Variants in PTPRD observed in about 807,000 individuals in gnomAD.
PTPRD encodes protein tyrosine phosphatase receptor type D, also known as receptor-type tyrosine-protein phosphatase delta.
PTPRD carries 34 observed loss-of-function variants against 214.5 expected under a neutral mutation model. The ratio of observed to expected loss-of-function variants is 0.16; its 90% confidence interval spans 0.12 to 0.21. PTPRD has a LOEUF of 0.21. Ranked by LOEUF, PTPRD falls within the 10% of genes least tolerant of loss-of-function variation. The pLI is 1.00. For missense variants in PTPRD, 2,545 were observed against 2,398.7 expected, an observed-to-expected ratio of 1.06 and a Z score of -1.27; for synonymous variants, 1,128 against 845.7, an observed-to-expected ratio of 1.33 and a Z score of -5.79.
chr9:9,019,329 AAAGAAAGAAC>A (rs1569429703), intron 10 of PTPRD, among the ~76,000 whole-genome samples: 5 of 32,732 alleles, frequency 1.5e-4, no homozygotes, highest in Non-Finnish European at 3.1e-4. Context: ...AGAAAGAAAG[AAAGAAAGAAC>A]GAAAGAAAGA....
chr9:9,269,910 C>T (rs1051718594), intron 9 of PTPRD, among the ~76,000 whole-genome samples: 4 of 150,720 alleles, frequency 2.7e-5, no homozygotes, highest in Non-Finnish European at 5.9e-5. Flanking sequence ...AGTTAGAAGG[C>T]GAATAGGCTC....
chr9:8,831,992 T>C (rs1473807604), intron 11 of PTPRD, among the ~76,000 whole-genome samples: 1 of 152,082 alleles, frequency 6.6e-6, no homozygotes. Context: ...GGAAAATTAT[T>C]TGAACAGCAT....
intron 4 of PTPRD, among the ~76,000 whole-genome samples, chr9:10,003,047 T>C (rs1349119951): frequency 6.6e-6 from 1 of 151,846 alleles, no homozygotes; most frequent in Non-Finnish European, 1.5e-5. Flanking sequence ...TAATAATTAA[T>C]AATTACTTGG....
intron 10 of PTPRD, among the ~76,000 whole-genome samples, chr9:9,085,384 C>T (rs1172739665): frequency 6.6e-6 from 1 of 152,142 alleles, no homozygotes; most frequent in African/African-American, 2.4e-5. Context: ...AAATCTACAG[C>T]ATGCAAATTC....
chr9:8,688,385 T>G (rs540692031), intron 12 of PTPRD, among the ~76,000 whole-genome samples: 4 of 151,924 alleles, frequency 2.6e-5, no homozygotes, highest in Middle Eastern at 3.4e-3. Context: ...GCTAACATGG[T>G]GAAACCCCGT....
intron 4 of PTPRD, among the ~76,000 whole-genome samples, chr9:9,979,387 G>A (rs1311055983): frequency 6.6e-6 from 1 of 151,914 alleles, no homozygotes; most frequent in Non-Finnish European, 1.5e-5. Flanking sequence ...AGTTAAGTGT[G>A]TATCTTCTGG....
chr9:9,793,925 T>C (rs1468710277), intron 5 of PTPRD, among the ~76,000 whole-genome samples: 1 of 151,976 alleles, frequency 6.6e-6, no homozygotes, highest in African/African-American at 2.4e-5. Context: ...ACCCACTACT[T>C]CCTAAAATAT....
At chr9:10,573,935 A>C (rs2068289395) in intron 2 of PTPRD, among the ~76,000 whole-genome samples, 1 of 152,096 alleles carries the variant, frequency 6.6e-6, no homozygotes, top group Admixed American at 6.6e-5. Flanking sequence ...TTAAAACTTA[A>C]AGTAGAATAA....
intron 2 of PTPRD, among the ~76,000 whole-genome samples, chr9:10,424,556 T>C (rs904588447): frequency 6.6e-6 from 1 of 151,958 alleles, no homozygotes; most frequent in Non-Finnish European, 1.5e-5. Flanking sequence ...GATGCTCTCC[T>C]GACGCTTACT....
intron 7 of PTPRD, among the ~76,000 whole-genome samples, chr9:9,721,293 G>C (rs1257947770): frequency 6.6e-6 from 1 of 151,892 alleles, no homozygotes; most frequent in Non-Finnish European, 1.5e-5. Context: ...CAAATATATT[G>C]CAAAATAATA....
chr9:8,325,366 G>C (rs1231449321), intron 44 of PTPRD, among the ~76,000 whole-genome samples: 1 of 148,982 alleles, frequency 6.7e-6, no homozygotes, highest in Non-Finnish European at 1.5e-5. Flanking sequence ...CCCCATTCTT[G>C]TTTTCCCTCA....
intron 11 of PTPRD, among the ~76,000 whole-genome samples, chr9:8,890,895 C>T (rs1011565235): frequency 6.6e-6 from 1 of 152,096 alleles, no homozygotes; most frequent in Non-Finnish European, 1.5e-5. Context: ...AGCTGCCTGT[C>T]TCAAAGAGGA....
intron 5 of PTPRD, among the ~76,000 whole-genome samples, chr9:9,893,491 TAATGA>T: frequency 6.6e-6 from 1 of 152,228 alleles, no homozygotes; most frequent in Admixed American, 6.5e-5. Context: ...CTGCTTTTAA[TAATGA>T]AATATGTCAA....
chr9:9,775,747 T>A (rs2098792817), intron 5 of PTPRD, among the ~76,000 whole-genome samples: 1 of 151,932 alleles, frequency 6.6e-6, no homozygotes, highest in Non-Finnish European at 1.5e-5. Flanking sequence ...ACTGAGACCA[T>A]CCTGGCTAAC....
At chr9:9,100,699 G>A (rs1259353675) in intron 10 of PTPRD, among the ~76,000 whole-genome samples, 1 of 152,154 alleles carries the variant, frequency 6.6e-6, no homozygotes, top group Non-Finnish European at 1.5e-5. Context: ...CGAAGGGAAT[G>A]TTCCTGTCTC....
chr9:9,809,923 A>T (rs2153537660), intron 5 of PTPRD, among the ~76,000 whole-genome samples: 1 of 152,268 alleles, frequency 6.6e-6, no homozygotes, highest in Non-Finnish European at 1.5e-5. Flanking sequence ...CATTTATGTA[A>T]ATTCAATAAC....
chr9:9,337,297 G>A (rs1008282761), intron 9 of PTPRD, among the ~76,000 whole-genome samples: 1 of 152,144 alleles, frequency 6.6e-6, no homozygotes, highest in Non-Finnish European at 1.5e-5. Flanking sequence ...AGGGTAAAGG[G>A]AAAATCTGAG....
At chr9:8,460,743 G>A (rs1390535760) in intron 32 of PTPRD, among the ~76,000 whole-genome samples, 172 bp from the exon 33 acceptor site, 2 of 151,832 alleles carry the variant, frequency 1.3e-5, no homozygotes, top group Non-Finnish European at 2.9e-5. Flanking sequence ...AAGAAAGGAT[G>A]GAAGATGTTT....
At chr9:10,144,006 T>A (rs944276710) in intron 3 of PTPRD, among the ~76,000 whole-genome samples, 3 of 152,118 alleles carry the variant, frequency 2.0e-5, no homozygotes, top group African/African-American at 7.2e-5. Flanking sequence ...CAGCATCATT[T>A]AATAAAACTT....
Sources: gnomAD v4.1 joint callset for allele counts (sites outside exome capture counted in the v4.1 genomes callset) on GRCh38, gnomAD v4.1.1 for gene constraint, MANE v1.5 for transcripts, NCBI Gene and HGNC (gene_info 2026-07-23, HGNC 2026-07-21) for gene names.